DLG2: variants seen among roughly 807,000 people sequenced by gnomAD.
The protein encoded by DLG2 is disks large homolog 2.
A neutral mutation model predicts 132.5 loss-of-function variants in DLG2; 45 were observed. The ratio of observed to expected loss-of-function variants is 0.34; its 90% CI spans 0.27 to 0.44. The LOEUF (loss-of-function observed/expected upper bound fraction) is 0.44. DLG2 is among the 20% of genes least tolerant of loss of function. The pLI is 1.00. For missense variants in DLG2, 1,045 were observed against 1,196.9 expected (o/e 0.87, Z 1.87); for synonymous variants, 424 against 419.6 (o/e 1.01, Z -0.13).
At chr11:84,570,740 C>T (rs946818716) in intron 6 of DLG2, among the ~76,000 whole-genome samples, 1 of 152,152 alleles carries the variant, frequency 6.6e-6, no homozygotes, top group African/African-American at 2.4e-5. Context: ...GGACATCTTC[C>T]TTTCTCCCTT....
chr11:83,632,537 G>C (rs747205952), intron 19 of DLG2: 6 of 152,194 alleles, frequency 3.9e-5, no homozygotes, highest in Non-Finnish European at 5.9e-5. Context: ...CTTGGAAGAG[G>C]AGCATGTTAT....
chr11:84,471,780 T>A (rs1370911364), intron 7 of DLG2, among the ~76,000 whole-genome samples: 1 of 151,786 alleles, frequency 6.6e-6, no homozygotes, highest in Non-Finnish European at 1.5e-5. Flanking sequence ...CCTTACCCCC[T>A]ACTTTCTTGT....
chr11:85,302,177 A>T (rs2079625965), intron 3 of DLG2, among the ~76,000 whole-genome samples: 1 of 152,176 alleles, frequency 6.6e-6, no homozygotes, highest in African/African-American at 2.4e-5. Context: ...GTTTGTCAGA[A>T]ACTTGGACAG....
intron 6 of DLG2, among the ~76,000 whole-genome samples, chr11:84,754,029 G>T (rs898987553): frequency 3.3e-5 from 5 of 152,152 alleles, no homozygotes; most frequent in African/African-American, 1.2e-4. Flanking sequence ...ACAGCAGGGA[G>T]AAAAGCTTAA....
At chr11:84,383,985 C>A (rs890729805) in intron 7 of DLG2, among the ~76,000 whole-genome samples, 4 of 151,448 alleles carry the variant, frequency 2.6e-5, no homozygotes, top group African/African-American at 9.7e-5. Flanking sequence ...CTCCATCAAG[C>A]AGCTGAAACT....
chr11:83,704,571 TTTTGGG>T (rs1330949506), intron 18 of DLG2, among the ~76,000 whole-genome samples: 16 of 151,578 alleles, frequency 1.1e-4, no homozygotes, highest in Non-Finnish European at 2.1e-4. Context: ...AATCTTAGCA[TTTTGGG>T]AGGCTGAGGC....
intron 6 of DLG2, among the ~76,000 whole-genome samples, chr11:84,777,281 G>T (rs372264689): frequency 1.1e-5 from 1 of 95,036 alleles, no homozygotes. Context: ...ATGTGTGTGT[G>T]TATATATATA....
intron 11 of DLG2, among the ~76,000 whole-genome samples, chr11:84,044,087 T>A (rs1003713491): frequency 1.2e-4 from 18 of 151,870 alleles, no homozygotes. Flanking sequence ...GTTAATAGCA[T>A]GAGCTCTGGA....
At chr11:84,365,970 G>A (rs1163154529) in intron 7 of DLG2, among the ~76,000 whole-genome samples, 2 of 151,970 alleles carry the variant, frequency 1.3e-5, no homozygotes, top group East Asian at 1.9e-4. Flanking sequence ...GAATGCCACA[G>A]AGATACTCCT....
chr11:84,739,683 A>T (rs2064333513), intron 6 of DLG2, among the ~76,000 whole-genome samples: 1 of 152,212 alleles, frequency 6.6e-6, no homozygotes, highest in African/African-American at 2.4e-5. Flanking sequence ...CTTTCATTTG[A>T]CTGTTGATTA....
chr11:85,382,148 G>A (rs932656424), intron 3 of DLG2, among the ~76,000 whole-genome samples: 1 of 152,088 alleles, frequency 6.6e-6, no homozygotes, highest in Non-Finnish European at 1.5e-5. Context: ...AATCAAGACA[G>A]CATGGTACTG....
intron 7 of DLG2, among the ~76,000 whole-genome samples, chr11:84,259,216 A>G (rs7937254): frequency 0.99 from 147,637 of 149,710 alleles, 72,805 homozygotes; most frequent in East Asian, 1. Context: ...AGGTGGCAGT[A>G]AGCTGAGACT....
intron 21 of DLG2, among the ~76,000 whole-genome samples, chr11:83,512,135 T>C (rs1438975187): frequency 2.0e-5 from 3 of 152,114 alleles, no homozygotes; most frequent in Non-Finnish European, 4.4e-5. Context: ...TAGGAAATTG[T>C]TAGGTAGAGA....
At chr11:84,199,279 T>C (rs1490665093) in intron 8 of DLG2, among the ~76,000 whole-genome samples, 1 of 152,164 alleles carries the variant, frequency 6.6e-6, no homozygotes, top group Non-Finnish European at 1.5e-5. Flanking sequence ...CATAATCTGC[T>C]TAAAGTTGAG....
intron 12 of DLG2, among the ~76,000 whole-genome samples, chr11:83,970,774 TGTC>T (rs1286928637): frequency 6.6e-6 from 1 of 152,230 alleles, no homozygotes; most frequent in Admixed American, 6.5e-5. Flanking sequence ...CTAATACTAT[TGTC>T]ATCATCTGTA....
chr11:85,149,720 AT>A (rs1302604959), intron 5 of DLG2, among the ~76,000 whole-genome samples: 4 of 152,326 alleles, frequency 2.6e-5, no homozygotes, highest in East Asian at 3.9e-4. Flanking sequence ...CAACAAAAAA[AT>A]ATATTAATAT....
chr11:83,596,539 G>A (rs565195385), intron 19 of DLG2, among the ~76,000 whole-genome samples: 6 of 152,150 alleles, frequency 3.9e-5, no homozygotes, highest in South Asian at 2.1e-4. Context: ...GGTCTCAGCC[G>A]CCTATGATCC....
intron 8 of DLG2, among the ~76,000 whole-genome samples, chr11:84,233,574 A>G (rs974505556): frequency 6.6e-6 from 1 of 152,162 alleles, no homozygotes; most frequent in African/African-American, 2.4e-5. Context: ...TCAGGCAGAG[A>G]ACCTGCCTGC....
chr11:84,589,464 T>G (rs545095869), intron 6 of DLG2, among the ~76,000 whole-genome samples: 1 of 152,178 alleles, frequency 6.6e-6, no homozygotes, highest in South Asian at 2.1e-4. Context: ...GTCATTAATG[T>G]GAAAAATGCT....
Sources: gnomAD v4.1 joint callset for allele counts (sites outside exome capture counted in the v4.1 genomes callset) on GRCh38, gnomAD v4.1.1 for gene constraint, MANE v1.5 for transcripts, NCBI Gene and HGNC (gene_info 2026-07-23, HGNC 2026-07-21) for gene names.